Variants in SAMMSON observed in about 807,000 individuals in gnomAD.
The protein encoded by SAMMSON is survival associated mitochondrial melanoma specific oncogenic non-coding RNA.
At chr3:70,130,293 TG>T (rs540598853) in intron 4 of SAMMSON, among the ~76,000 whole-genome samples, 250 of 152,312 alleles carry the variant, frequency 1.6e-3, no homozygotes, top group African/African-American at 5.7e-3. Flanking sequence ...GAGGTGATTG[TG>T]GCGACAAGAT....
At chr3:70,035,634 G>A (rs1279891916) in intron 3 of SAMMSON, among the ~76,000 whole-genome samples, 3 of 152,076 alleles carry the variant, frequency 2.0e-5, no homozygotes, top group Admixed American at 1.3e-4. Flanking sequence ...CGAACCCTCC[G>A]CAGTTTCTCT....
At chr3:70,136,575 C>T (rs1458305134) in intron 4 of SAMMSON, among the ~76,000 whole-genome samples, 3 of 152,216 alleles carry the variant, frequency 2.0e-5, no homozygotes, top group African/African-American at 4.8e-5. Flanking sequence ...GAATGCTTGA[C>T]GTACAGAAAC....
chr3:70,307,078 T>C (rs1381057057), intron 7 of SAMMSON, among the ~76,000 whole-genome samples: 1 of 152,100 alleles, frequency 6.6e-6, no homozygotes, highest in African/African-American at 2.4e-5. Flanking sequence ...GAAAATTATA[T>C]TAGGTTTCAT....
At chr3:70,119,114 T>G (rs2067422845) in intron 4 of SAMMSON, among the ~76,000 whole-genome samples, 1 of 152,174 alleles carries the variant, frequency 6.6e-6, no homozygotes, top group African/African-American at 2.4e-5. Context: ...TTACCCAAGC[T>G]GGAGTGCCAT....
At chr3:70,365,978 T>C (rs1174187861) in intron 9 of SAMMSON, among the ~76,000 whole-genome samples, 1 of 17,322 alleles carries the variant, frequency 5.8e-5, no homozygotes, top group South Asian at 1.6e-3. Flanking sequence ...TTCTTTTTTT[T>C]TTTTTTTTTT....
chr3:70,192,799 G>A (rs1701141115), intron 4 of SAMMSON, among the ~76,000 whole-genome samples: 1 of 152,176 alleles, frequency 6.6e-6, no homozygotes, highest in African/African-American at 2.4e-5. Context: ...ATTCAAAGTT[G>A]ACTCGGCATC....
intron 4 of SAMMSON, among the ~76,000 whole-genome samples, chr3:70,189,805 A>AC (rs55966077): frequency 0.69 from 104,644 of 151,954 alleles, 37,700 homozygotes; most frequent in Non-Finnish European, 0.79. Flanking sequence ...TTGGTCCTGC[A>AC]CCGTAGGCAC....
At position 70,199,492 on chromosome 3, in the gene SAMMSON, CT is replaced by C. The variant is rs1701214819; in HGVS notation, n.508-49610del. On this transcript the variant is annotated intron_variant and non_coding_transcript_variant, in intron 4 of 9. Transcript: ENST00000642114. Reference sequence around the variant, plus strand: ...ATTTTTTTCTGTTTCTAAGTCAGTCCTTTTTATTTGGTTTTAAAAGGCAGAG... The same window carrying C: ...ATTTTTTTCTGTTTCTAAGTCAGTCCTTTTATTTGGTTTTAAAAGGCAGAG... 2.6e-5 allele frequency among the ~76,000 whole-genome samples: 4 copies of C among 152,026 alleles called. No homozygotes were observed. The South Asian group carries it at 8.3e-4, about 32-fold the overall frequency.
chr3:70,409,388 C>CTAAATAGAAAA (rs1701200750), intron 2 of SAMMSON, among the ~76,000 whole-genome samples: 1 of 151,462 alleles, frequency 6.6e-6, no homozygotes, highest in Non-Finnish European at 1.5e-5. Flanking sequence ...AAAAACTTAT[C>CTAAATAGAAAA]ACACAACGTT....
intron 4 of SAMMSON, among the ~76,000 whole-genome samples, chr3:70,110,007 G>T (rs925438493): frequency 2.0e-5 from 3 of 152,170 alleles, no homozygotes; most frequent in African/African-American, 7.2e-5. Context: ...AAAAGAGGTG[G>T]GCCAGTGAAT....
chr3:70,238,308 T>A (rs960335976), intron 4 of SAMMSON, among the ~76,000 whole-genome samples: 3 of 152,100 alleles, frequency 2.0e-5, no homozygotes, highest in Non-Finnish European at 2.9e-5. Context: ...TTCTGCCATG[T>A]GTAAAAAGTC....
Position 70,236,983 on chromosome 3 carries a change from C to A in SAMMSON, n.508-12124C>A, listed in dbSNP as rs573714415. ...CTATTGTGAAAAATCATAGCTTAAG[C>A]AACACAGATGTGTCAATGTCAAGGC... On this transcript the variant is annotated intron_variant and non_coding_transcript_variant, in intron 4 of 9. Transcript: ENST00000642114. Among the ~76,000 whole-genome samples, 6 of 152,306 alleles carry A rather than the reference C, an allele frequency of 3.9e-5. No homozygotes were observed. The South Asian group carries it at 1.0e-3, about 26-fold the overall frequency.
At chr3:70,158,927 G>C (rs1316850786) in intron 4 of SAMMSON, among the ~76,000 whole-genome samples, 1 of 151,916 alleles carries the variant, frequency 6.6e-6, no homozygotes, top group Non-Finnish European at 1.5e-5. Flanking sequence ...TAGGCAACTT[G>C]TAAAAATTTC....
At chr3:70,174,972 G>C (rs145941230) in intron 4 of SAMMSON, among the ~76,000 whole-genome samples, 1 of 151,996 alleles carries the variant, frequency 6.6e-6, no homozygotes, top group East Asian at 1.9e-4. Context: ...AAATTGAAAT[G>C]CATCTTAAAA....
chr3:70,379,284 C>A (rs1367750090), intron 9 of SAMMSON, among the ~76,000 whole-genome samples: 1 of 152,088 alleles, frequency 6.6e-6, no homozygotes, highest in Non-Finnish European at 1.5e-5. Flanking sequence ...AGTGTACTTA[C>A]ACTTTTAAAA....
Position 70,198,878 on chromosome 3 carries a change from T to C in SAMMSON, n.508-50229T>C, listed in dbSNP as rs369409223. Among the ~76,000 whole-genome samples the C allele has an allele frequency of 9.2e-5, 14 of 152,128 alleles. No individual in the cohort carries two copies. The East Asian group carries it at 2.1e-3, about 23-fold the overall frequency. ...AGTCACCACAAACCTCCCACAAAAA[T>C]GCAAGAGTAAGTTAGTAATAGTATA... On this transcript the variant is annotated intron_variant and non_coding_transcript_variant, in intron 4 of 9. Coordinates refer to ENST00000642114, the Ensembl canonical transcript of SAMMSON.
intron 4 of SAMMSON, among the ~76,000 whole-genome samples, chr3:70,182,516 A>G (rs1224140257): frequency 6.6e-6 from 1 of 152,186 alleles, no homozygotes; most frequent in Non-Finnish European, 1.5e-5. Flanking sequence ...TAAAAGTAAC[A>G]GATTGGAGCG....
intron 7 of SAMMSON, among the ~76,000 whole-genome samples, chr3:70,318,611 A>C (rs1009871508): frequency 2.0e-5 from 3 of 151,994 alleles, no homozygotes; most frequent in South Asian, 2.1e-4. Flanking sequence ...CAACTCCAAC[A>C]TCTGGGTCTT....
Position 70,311,186 on chromosome 3 carries a change from T to A in SAMMSON, n.739+19943T>A, listed in dbSNP as rs141758946. ...AGCTGTCCTTTTACAATATAATAGA[T>A]TCATTAAATGCTGAAAAAGACGCAG... On this transcript the variant is annotated intron_variant and non_coding_transcript_variant, in intron 7 of 9. Coordinates refer to ENST00000642114, the Ensembl canonical transcript of SAMMSON. Among the ~76,000 whole-genome samples, 13 of 152,270 alleles carry A rather than the reference T, an allele frequency of 8.5e-5. No homozygotes were observed. The East Asian group carries it at 1.5e-3, about 18-fold the overall frequency.
Sources: gnomAD v4.1 joint callset for allele counts (sites outside exome capture counted in the v4.1 genomes callset) on GRCh38, gnomAD v4.1.1 for gene constraint, MANE v1.5 for transcripts, NCBI Gene and HGNC (gene_info 2026-07-23, HGNC 2026-07-21) for gene names.